Variants in GRID2 observed in about 807,000 individuals in gnomAD.
GRID2 encodes glutamate ionotropic receptor delta type subunit 2, also known as glutamate receptor ionotropic, delta-2.
A neutral mutation model predicts 114.8 loss-of-function variants in GRID2; 33 were observed. The ratio of observed to expected loss-of-function variants is 0.29; its 90% CI spans 0.22 to 0.38. The LOEUF (loss-of-function observed/expected upper bound fraction) is 0.38. Among genes scored for constraint, GRID2 ranks in the 10% least tolerant of loss-of-function variants. The pLI is 1.00. For missense variants in GRID2, 1,184 were observed against 1,257.7 expected (o/e 0.94, Z 0.89); for synonymous variants, 505 against 449.9 (o/e 1.12, Z -1.55).
chr4:92,777,129 C>T lies in GRID2; in HGVS notation c.244+186843C>T, dbSNP rs187886248. 2.6e-5 allele frequency among the ~76,000 whole-genome samples: 4 copies of T among 151,404 alleles called. No individual in the cohort carries two copies. In the South Asian group the frequency reaches 6.3e-4, roughly 24 times the overall value. ...TCCGAGATACTAGAGAAGAGATTCC[C>T]ACTTTGCCTGGGAGACTGGTAAAAA... On this transcript the variant is annotated intron_variant, in intron 2 of 15. Transcript: ENST00000282020.
At chr4:93,152,805 G>T (rs1189282853) in intron 4 of GRID2, among the ~76,000 whole-genome samples, 1 of 152,024 alleles carries the variant, frequency 6.6e-6, no homozygotes, top group Non-Finnish European at 1.5e-5. Context: ...ATAATTTATG[G>T]CCAGGAATTA....
intron 2 of GRID2, among the ~76,000 whole-genome samples, chr4:92,871,269 T>C (rs1279048536): frequency 1.3e-5 from 2 of 152,098 alleles, no homozygotes; most frequent in African/African-American, 2.4e-5. Flanking sequence ...TTAAAAGAAC[T>C]AAATAACTTC....
At chr4:93,613,855 A>G (rs902778385) in intron 13 of GRID2, among the ~76,000 whole-genome samples, 2 of 151,226 alleles carry the variant, frequency 1.3e-5, no homozygotes, top group African/African-American at 2.4e-5. Flanking sequence ...TCGAGCTTCC[A>G]GGCTGCTTTG....
chr4:93,398,380 A>C (rs2149334340), intron 9 of GRID2, among the ~76,000 whole-genome samples: 1 of 151,496 alleles, frequency 6.6e-6, no homozygotes, highest in Non-Finnish European at 1.5e-5. Context: ...AAATTCAGGA[A>C]GACAGATTCT....
At chr4:93,668,806 G>C (rs1724161074) in intron 14 of GRID2, among the ~76,000 whole-genome samples, 5 of 151,964 alleles carry the variant, frequency 3.3e-5, no homozygotes, top group Admixed American at 3.3e-4. Context: ...GCATGGGAGT[G>C]AATTTCCTGT....
chr4:93,711,577 G>A lies in GRID2; in HGVS notation c.2361-57633G>A, dbSNP rs1240294457. The stretch of plus-strand genomic sequence containing the variant: ...TGATAAAACTCAAGTTCTGACCAGT[G>A]GGATGGATGATTCCCCTCTGGCTAG... On this transcript the variant is annotated intron_variant, in intron 14 of 15. Transcript: ENST00000282020. 3.9e-5 allele frequency among the ~76,000 whole-genome samples: 6 copies of A among 152,264 alleles called. No individual in the cohort carries two copies. In the East Asian group the frequency reaches 1.2e-3, roughly 29 times the overall value.
At chr4:93,033,729 CA>C (rs1242689898) in intron 2 of GRID2, among the ~76,000 whole-genome samples, 2 of 152,004 alleles carry the variant, frequency 1.3e-5, no homozygotes, top group Non-Finnish European at 2.9e-5. Flanking sequence ...TATGAATTTT[CA>C]TTTGTTTTCC....
intron 4 of GRID2, among the ~76,000 whole-genome samples, chr4:93,179,425 A>C (rs1739673758): frequency 6.6e-6 from 1 of 152,140 alleles, no homozygotes; most frequent in East Asian, 1.9e-4. Flanking sequence ...TTTTTCCTTA[A>C]AGTCTTGGGG....
chr4:92,881,946 T>C (rs963650175), intron 2 of GRID2, among the ~76,000 whole-genome samples: 16 of 152,220 alleles, frequency 1.1e-4, no homozygotes, highest in Admixed American at 1.0e-3. Context: ...CTAAATAGTA[T>C]GTTAGGAATT....
At chr4:93,676,861 G>A (rs1724920035) in intron 14 of GRID2, among the ~76,000 whole-genome samples, 1 of 152,086 alleles carries the variant, frequency 6.6e-6, no homozygotes, top group Admixed American at 6.5e-5. Context: ...GCAGAAGACG[G>A]GTGATTTCTG....
At chr4:92,691,196 A>C (rs1734166409) in intron 2 of GRID2, among the ~76,000 whole-genome samples, 1 of 152,186 alleles carries the variant, frequency 6.6e-6, no homozygotes, top group Non-Finnish European at 1.5e-5. Flanking sequence ...TATTTTACTT[A>C]AAGTTTTTAC....
At chr4:92,736,678 A>G (rs1736614837) in intron 2 of GRID2, among the ~76,000 whole-genome samples, 1 of 152,082 alleles carries the variant, frequency 6.6e-6, no homozygotes. Context: ...TCCATCTTAG[A>G]CAACAAATCC....
intron 1 of GRID2, among the ~76,000 whole-genome samples, chr4:92,402,401 G>A (rs913677546): frequency 6.6e-6 from 1 of 152,068 alleles, no homozygotes; most frequent in Admixed American, 6.6e-5. Flanking sequence ...CACTACTTAT[G>A]GCAGGTATCA....
At chr4:92,950,392 TG>T (rs1751941417) in intron 2 of GRID2, among the ~76,000 whole-genome samples, 2 of 152,200 alleles carry the variant, frequency 1.3e-5, no homozygotes, top group Non-Finnish European at 2.9e-5. Context: ...TTATGTACTA[TG>T]GTAATAAATT....
At chr4:92,477,224 GTT>G (rs1378469737) in intron 1 of GRID2, among the ~76,000 whole-genome samples, 1 of 151,922 alleles carries the variant, frequency 6.6e-6, no homozygotes, top group African/African-American at 2.4e-5. Context: ...AACTGTAACT[GTT>G]TTGGTTTGCT....
chr4:92,547,231 A>G (rs1443422421), intron 1 of GRID2, among the ~76,000 whole-genome samples: 1 of 152,216 alleles, frequency 6.6e-6, no homozygotes, highest in Non-Finnish European at 1.5e-5. Context: ...TATATAGACT[A>G]TTAAATATGT....
intron 8 of GRID2, among the ~76,000 whole-genome samples, chr4:93,284,328 G>A (rs1189428562): frequency 6.6e-6 from 1 of 151,918 alleles, no homozygotes; most frequent in Admixed American, 6.6e-5. Context: ...ACATAGAGGG[G>A]ATCAACACAC....
intron 2 of GRID2, among the ~76,000 whole-genome samples, chr4:92,865,356 C>G (rs1302564106): frequency 6.6e-6 from 1 of 152,042 alleles, no homozygotes; most frequent in Admixed American, 6.6e-5. Context: ...TAATAAAATA[C>G]AAGGTCTTTT....
chr4:92,473,487 C>A (rs1234992574), intron 1 of GRID2, among the ~76,000 whole-genome samples: 1 of 152,072 alleles, frequency 6.6e-6, no homozygotes, highest in Non-Finnish European at 1.5e-5. Flanking sequence ...AAATTCTTGA[C>A]TTTTTCCTGA....
Sources: allele counts gnomAD v4.1 joint callset (sites outside exome capture counted in the v4.1 genomes callset), GRCh38; gene constraint gnomAD v4.1.1; transcripts MANE v1.5; gene names NCBI Gene and HGNC (gene_info 2026-07-23, HGNC 2026-07-21).